The following MMRN1 variants were observed in gnomAD, a reference collection of about 807,000 sequenced individuals.
The protein encoded by MMRN1 is multimerin 1, also known as multimerin-1.
MMRN1 carries 94 observed loss-of-function variants against 100.7 expected under a neutral mutation model. The observed-to-expected ratio is 0.93, with a 90% confidence interval of 0.79 to 1.11. The LOEUF (loss-of-function observed/expected upper bound fraction) is 1.11, where lower values mean the gene tolerates loss of function less well. Among genes scored for constraint, MMRN1 ranks in the 50% least tolerant of loss-of-function variants. The pLI is 0.00. For synonymous variants in MMRN1, 575 were observed against 505.0 expected (o/e 1.14, Z -1.86); for missense variants, 1,606 against 1,439.1 (o/e 1.12, Z -1.88).
At chr4:89,889,617 C>T (rs182377391) in intron 1 of MMRN1, among the ~76,000 whole-genome samples, 47 of 152,192 alleles carry the variant, frequency 3.1e-4, no homozygotes, top group Non-Finnish European at 4.9e-4. Context: ...ACTGTATTCC[C>T]GAGTGCAGCC....
intron 1 of MMRN1, among the ~76,000 whole-genome samples, chr4:89,881,578 A>G (rs1345366069): frequency 1.3e-5 from 2 of 152,090 alleles, no homozygotes; most frequent in African/African-American, 4.8e-5. Flanking sequence ...GATATTAATT[A>G]AAGAATATTA....
At chr4:89,927,074 TC>T (rs1722285448) in intron 4 of MMRN1, among the ~76,000 whole-genome samples, 1 of 152,078 alleles carries the variant, frequency 6.6e-6, no homozygotes, top group South Asian at 2.1e-4. Context: ...CTCCAGTTGT[TC>T]CTTCAGTTGT....
In MMRN1 at chr4:89,936,581, G is replaced by T. The variant is rs1349687328; in HGVS notation, c.2901G>T (p.Val967=). The change falls in exon 6 of 8, where the codon GTG becomes GTT. Residue 967 remains valine (V), a synonymous_variant. Transcript: ENST00000264790. Reference sequence around the variant, plus strand: ...TTCAGAAAGGTCTAACAGAATTTGTGGAACCAATAATTCAAATAAAAACTC... The same window carrying T: ...TTCAGAAAGGTCTAACAGAATTTGTTGAACCAATAATTCAAATAAAAACTC... ...QLLQKGLTEF[V]EPIIQIKTQA... The T allele has an allele frequency of 8.7e-6, 14 of 1,611,676 alleles. No homozygotes were observed. The highest frequency in any genetic ancestry group is 8.5e-7 in the Non-Finnish European group (1 of 1,179,196).
chr4:89,936,953 C>G (rs1465714328), intron 6 of MMRN1, among the ~76,000 whole-genome samples, 155 bp downstream of exon 6: 2 of 152,020 alleles, frequency 1.3e-5, no homozygotes, highest in Non-Finnish European at 2.9e-5. Context: ...TTATTTAAAT[C>G]TGAATCTATC....
In MMRN1 at chr4:89,927,833, G is replaced by T; in HGVS notation, c.994G>T (p.Ala332Ser). 1 of 1,612,110 alleles carries T rather than the reference G, an allele frequency of 6.2e-7. No individual in the cohort carries two copies. The change falls in exon 5 of 8, where the codon GCA becomes TCA. Residue 332 changes from alanine to serine, a missense_variant. Ala to Ser is a moderately conservative substitution (Grantham distance 99). Transcript: ENST00000264790. ...AATGACTGATCAGGTGAACTACCAG[G>T]CAATGAAACTGACTCTTCTGCAGAA... The part of the protein sequence containing the change: ...QKMTDQVNYQ[A>S]MKLTLLQKKI...
intron 3 of MMRN1, among the ~76,000 whole-genome samples, chr4:89,920,633 G>A (rs1021469288): frequency 6.6e-6 from 1 of 151,822 alleles, no homozygotes; most frequent in Non-Finnish European, 1.5e-5. Context: ...TAACAGGAAT[G>A]CTGTTTAAAA....
chr4:89,935,992 C>T lies in MMRN1; in HGVS notation c.2312C>T (p.Thr771Ile), dbSNP rs199871346. 254 of 1,613,006 alleles carry T rather than the reference C, an allele frequency of 1.6e-4. No homozygotes were observed. The highest frequency in any genetic ancestry group is 5.9e-6 in the Non-Finnish European group (7 of 1,179,492). ...IHHKCTSDME[T>I]ILTFIPQFHR... ...CATAAATGTACCTCCGATATGGAAA[C>T]TATTTTGACATTTATTCCTCAGTTC... The change falls in exon 6 of 8, where the codon ACT becomes ATT. Residue 771 changes from threonine (T) to isoleucine (I), a missense_variant. Physicochemically the swap from Thr to Ile is moderately conservative, Grantham distance 89. Coordinates refer to ENST00000264790, the MANE Select transcript of MMRN1 (RefSeq NM_007351.3).
At chr4:89,933,227 T>C (rs1251259684) in intron 5 of MMRN1, among the ~76,000 whole-genome samples, 1 of 152,168 alleles carries the variant, frequency 6.6e-6, no homozygotes, top group Admixed American at 6.5e-5. Flanking sequence ...TTTGCTCCAG[T>C]TCCCAATATG....
chr4:89,924,048 G>C (rs902393428), intron 4 of MMRN1, among the ~76,000 whole-genome samples: 1 of 152,180 alleles, frequency 6.6e-6, no homozygotes, highest in African/African-American at 2.4e-5. Flanking sequence ...TAAAGGGATA[G>C]ACAGTATTAT....
intron 7 of MMRN1, among the ~76,000 whole-genome samples, chr4:89,952,314 A>C (rs1026766107): frequency 6.6e-6 from 1 of 152,180 alleles, no homozygotes; most frequent in African/African-American, 2.4e-5. Flanking sequence ...TTACTTCAGG[A>C]GTGCACCATT....
chr4:89,920,931 C>T (rs1722067663), intron 3 of MMRN1, among the ~76,000 whole-genome samples: 1 of 151,778 alleles, frequency 6.6e-6, no homozygotes, highest in Admixed American at 6.6e-5. Flanking sequence ...TCAAAGTATA[C>T]AGGAACTTCT....
intron 1 of MMRN1, among the ~76,000 whole-genome samples, chr4:89,897,923 C>A (rs1418636260): frequency 6.6e-6 from 1 of 152,140 alleles, no homozygotes; most frequent in African/African-American, 2.4e-5. Flanking sequence ...CTGAACAGAA[C>A]TTTATCCTCT....
intron 6 of MMRN1, among the ~76,000 whole-genome samples, chr4:89,946,131 G>A (rs911867287): frequency 1.3e-5 from 2 of 152,172 alleles, no homozygotes; most frequent in Non-Finnish European, 2.9e-5. Flanking sequence ...AAGCATAATA[G>A]CACTGAAACT....
intron 1 of MMRN1, among the ~76,000 whole-genome samples, chr4:89,903,981 A>G (rs183653625): frequency 6.6e-6 from 1 of 151,714 alleles, no homozygotes; most frequent in East Asian, 1.9e-4. Context: ...GAGAATAAAA[A>G]TCTTGTCCAG....
chr4:89,926,359 T>G (rs1367453484), intron 4 of MMRN1, among the ~76,000 whole-genome samples: 1 of 150,314 alleles, frequency 6.7e-6, no homozygotes, highest in Non-Finnish European at 1.5e-5. Flanking sequence ...TAGTTTTGGT[T>G]TGAGTTTCTC....
intron 1 of MMRN1, among the ~76,000 whole-genome samples, chr4:89,900,109 A>T (rs1390421446): frequency 6.6e-6 from 1 of 152,090 alleles, no homozygotes; most frequent in African/African-American, 2.4e-5. Context: ...TGCAAACTTA[A>T]GAAGGAAATG....
exon 1 of MMRN1, chr4:89,879,598 T>C (rs1720778062): frequency 6.6e-6 from 1 of 152,182 alleles, no homozygotes; most frequent in Non-Finnish European, 1.5e-5. Flanking sequence ...GCAAAGAATA[T>C]TAAGGTAAGA....
upstream of MMRN1, among the ~76,000 whole-genome samples, chr4:89,893,028 T>C (rs1339376511): frequency 6.6e-6 from 1 of 152,050 alleles, no homozygotes; most frequent in East Asian, 1.9e-4. Context: ...TGCTCTTCCA[T>C]AAGCCAAAGC....
rs2110637023 is a variant in MMRN1 at position 89,936,555 on chromosome 4, C to T, written c.2875C>T (p.Leu959Phe). 6.2e-7 allele frequency: 1 copy of T among 1,612,748 alleles called. No individual in the cohort carries two copies. The highest frequency in any genetic ancestry group is 1.3e-5 in the African/African-American group (1 of 74,994). Residue 959 changes from leucine to phenylalanine, a missense_variant, in exon 6 of 8, where the codon CTT (leucine) becomes TTT (phenylalanine). Coordinates refer to ENST00000264790, the MANE Select transcript of MMRN1 (RefSeq NM_007351.3). ...ACATTCCCTGCCAGATATTCAACTT[C>T]TTCAGAAAGGTCTAACAGAATTTGT... ...IKHSLPDIQLLQKGLTEFVEP... is the reference protein window; with the variant it reads ...IKHSLPDIQLFQKGLTEFVEP...
Sources: gnomAD v4.1 joint callset for allele counts (sites outside exome capture counted in the v4.1 genomes callset) on GRCh38, gnomAD v4.1.1 for gene constraint, MANE v1.5 for transcripts, NCBI Gene and HGNC (gene_info 2026-07-23, HGNC 2026-07-21) for gene names.